Variants in UIMC1 observed in about 807,000 individuals in gnomAD.
UIMC1 encodes the protein ubiquitin interaction motif containing 1.
In UIMC1, 42 loss-of-function variants were observed where a neutral mutation model predicts 84.9. That is an observed-to-expected ratio of 0.49 (90% CI 0.39 to 0.64). UIMC1 has a LOEUF of 0.64. UIMC1 is among the 30% of genes least tolerant of loss of function. The pLI is 0.00. For synonymous variants in UIMC1, 281 were observed against 293.0 expected, an observed-to-expected ratio of 0.96 and a Z score of 0.42; for missense variants, 825 against 847.6, an observed-to-expected ratio of 0.97 and a Z score of 0.33.
At chr5:176,982,383 GA>G in intron 2 of UIMC1, 85 bp downstream of exon 2, 1 of 1,472,944 alleles carries the variant, frequency 6.8e-7, no homozygotes, top group South Asian at 1.4e-5. Flanking sequence ...GCATTAAGGT[GA>G]AGTCAGTCAC....
chr5:176,907,686 T>C (rs1347459014), intron 12 of UIMC1, among the ~76,000 whole-genome samples: 1 of 152,214 alleles, frequency 6.6e-6, no homozygotes, highest in Non-Finnish European at 1.5e-5. Flanking sequence ...CAAAAGTACA[T>C]CCATCCTTCC....
chr5:177,003,288 G>C (rs1472866171), intron 1 of UIMC1, among the ~76,000 whole-genome samples: 1 of 152,114 alleles, frequency 6.6e-6, no homozygotes, highest in Non-Finnish European at 1.5e-5. Flanking sequence ...TGTAACAACA[G>C]AATTCAAACA....
chr5:176,911,276 T>C, intron 11 of UIMC1, 35 bp downstream of exon 11: 2 of 1,558,942 alleles, frequency 1.3e-6, no homozygotes, highest in Non-Finnish European at 8.7e-7. Flanking sequence ...TGGTATGTTA[T>C]ACAAGAGCTC....
At chr5:176,917,028 A>G (rs1015745127) in intron 10 of UIMC1, among the ~76,000 whole-genome samples, 2 of 152,222 alleles carry the variant, frequency 1.3e-5, no homozygotes, top group Admixed American at 6.5e-5. Flanking sequence ...TTACAGAATG[A>G]CAAGTGGTTA....
intron 6 of UIMC1, among the ~76,000 whole-genome samples, chr5:176,963,627 T>A (rs1328242868): frequency 1.3e-5 from 2 of 152,048 alleles, no homozygotes; most frequent in Non-Finnish European, 2.9e-5. Flanking sequence ...TTCCACAGAC[T>A]AGTTGAACCA....
chr5:176,971,455 A>G (rs921946425), intron 3 of UIMC1, among the ~76,000 whole-genome samples: 1 of 152,212 alleles, frequency 6.6e-6, no homozygotes, highest in African/African-American at 2.4e-5. Context: ...ATTAGACACT[A>G]CTAGACACTA....
At chr5:176,923,863 CAAA>C (rs374892150) in intron 10 of UIMC1, among the ~76,000 whole-genome samples, 3 of 95,112 alleles carry the variant, frequency 3.2e-5, no homozygotes, top group Non-Finnish European at 4.6e-5. Context: ...GACTCTGTCT[CAAA>C]AAAAAAAAAT....
Position 176,905,240 on chromosome 5 carries a change from C to G in UIMC1, c.*42G>C. The G allele has an allele frequency of 6.2e-7, 1 of 1,602,214 alleles. No homozygotes were observed. The highest frequency in any genetic ancestry group is 8.5e-7 in the Non-Finnish European group (1 of 1,171,978). On this transcript the variant is annotated 3_prime_UTR_variant, in exon 15 of 15. Transcript: ENST00000511320. ...CTATGGCTTAATGAACATGGCCCAC[C>G]CCTCCTACTAATGGTTTTGTCAACT... is the stretch of plus-strand genomic sequence containing the variant.
intron 6 of UIMC1, 125 bp from the exon 7 acceptor site, chr5:176,958,279 T>C (rs1486969493): frequency 1.4e-6 from 1 of 724,736 alleles, no homozygotes; most frequent in African/African-American, 1.8e-5. Flanking sequence ...GAAAATATTT[T>C]CCATAAGCCA....
chr5:176,928,332 T>G (rs913014090), intron 10 of UIMC1, among the ~76,000 whole-genome samples: 1 of 152,176 alleles, frequency 6.6e-6, no homozygotes, highest in African/African-American at 2.4e-5. Context: ...AGAAAAAGTT[T>G]GCTAGACTTT....
intron 2 of UIMC1, among the ~76,000 whole-genome samples, chr5:176,977,430 C>G (rs976261139): frequency 6.6e-6 from 1 of 151,802 alleles, no homozygotes; most frequent in African/African-American, 2.4e-5. Context: ...CAAGTACACA[C>G]AGAATATTCT....
At chr5:176,976,756 G>A (rs1770139251) in intron 2 of UIMC1, among the ~76,000 whole-genome samples, 1 of 152,246 alleles carries the variant, frequency 6.6e-6, no homozygotes, top group Admixed American at 6.5e-5. Flanking sequence ...ATCAGTGGTT[G>A]TCAAGGGCTA....
chr5:176,909,120 T>G (rs894621324), intron 11 of UIMC1, among the ~76,000 whole-genome samples: 5 of 152,238 alleles, frequency 3.3e-5, no homozygotes, highest in Admixed American at 6.5e-5. Context: ...CCAGGGTGGA[T>G]GAACTTGTCT....
intron 1 of UIMC1, among the ~76,000 whole-genome samples, chr5:176,996,011 A>T (rs953416719): frequency 3.9e-5 from 6 of 152,166 alleles, no homozygotes; most frequent in African/African-American, 1.4e-4. Flanking sequence ...TAGCAGCCTT[A>T]GTCATAAGGG....
In UIMC1 at chr5:176,956,379, C is replaced by T. The variant is rs554766814; in HGVS notation, c.1263-344G>A. 8.4e-4 allele frequency among the ~76,000 whole-genome samples: 128 copies of T among 152,300 alleles called. 1 individual carries two copies. The highest frequency in any genetic ancestry group is 1.3e-3 in the Non-Finnish European group (91 of 68,034). On this transcript the variant is annotated intron_variant, in intron 7 of 14. Coordinates refer to ENST00000511320, the MANE Select transcript of UIMC1 (RefSeq NM_001199298.2). ...TAAGGATGTCAAAGGTGTTTTATAG[C>T]CTCCATCTCAGCCTTCTGAAGGCTA...
intron 10 of UIMC1, among the ~76,000 whole-genome samples, chr5:176,927,183 T>G (rs1472903968): frequency 2.0e-5 from 2 of 100,266 alleles, no homozygotes; most frequent in African/African-American, 3.9e-5. Context: ...GGCAACATAA[T>G]AAGACACCAT....
intron 14 of UIMC1, 61 bp downstream of exon 14, chr5:176,905,950 G>T: frequency 6.3e-7 from 1 of 1,577,252 alleles, no homozygotes; most frequent in Non-Finnish European, 8.7e-7. Context: ...CAGAACACAG[G>T]ACAAGGCCTG....
chr5:176,971,639 T>C (rs1769215203), intron 3 of UIMC1, among the ~76,000 whole-genome samples: 2 of 152,226 alleles, frequency 1.3e-5, no homozygotes, highest in Non-Finnish European at 2.9e-5. Flanking sequence ...CCAGGCGTGG[T>C]GGCTCACGCC....
intron 1 of UIMC1, among the ~76,000 whole-genome samples, chr5:177,014,146 C>T (rs1048570667): frequency 4.0e-5 from 6 of 151,192 alleles, no homozygotes; most frequent in East Asian, 2.0e-4. Flanking sequence ...TCCACCTCCC[C>T]GGTTCAAGCG....
Sources: gnomAD v4.1 joint callset for allele counts (sites outside exome capture counted in the v4.1 genomes callset) on GRCh38, gnomAD v4.1.1 for gene constraint, MANE v1.5 for transcripts, NCBI Gene and HGNC (gene_info 2026-07-23, HGNC 2026-07-21) for gene names.